HPSE2: variants seen among roughly 807,000 people sequenced by gnomAD.
HPSE2 encodes inactive heparanase-2.
Under a neutral mutation model 60.5 loss-of-function variants are expected in HPSE2, and 38 were observed. The ratio of observed to expected loss-of-function variants is 0.63; its 90% CI spans 0.48 to 0.82. The LOEUF (loss-of-function observed/expected upper bound fraction) is 0.82, where lower values mean the gene tolerates loss of function less well. Among genes scored for constraint, HPSE2 ranks in the 40% least tolerant of loss-of-function variants. The pLI, the probability that HPSE2 is intolerant of heterozygous loss-of-function variation, is 0.00. For missense variants in HPSE2, 713 were observed against 740.4 expected (o/e 0.96, Z 0.43); for synonymous variants, 295 against 293.2 (o/e 1.01, Z -0.06).
chr10:98,473,427 G>A (rs1940861562), intron 11 of HPSE2, among the ~76,000 whole-genome samples: 1 of 145,600 alleles, frequency 6.9e-6, no homozygotes, highest in Non-Finnish European at 1.5e-5. Flanking sequence ...GGAGGTTGCA[G>A]TGAGCCGAGA....
Position 98,566,669 on chromosome 10 carries a change from A to T in HPSE2, c.1320+48235T>A, listed in dbSNP as rs571064241. ...CCATCAGTAACCTGCCCATGTGCCC[A>T]GGGAAGGTGTGAGACAGCATGAGCT... On this transcript the variant is annotated intron_variant, in intron 9 of 11. Transcript: ENST00000370552. Among the ~76,000 whole-genome samples the T allele has an allele frequency of 7.2e-5, 11 of 152,340 alleles. No individual in the cohort carries two copies. The South Asian group carries it at 2.3e-3, about 32-fold the overall frequency.
intron 3 of HPSE2, among the ~76,000 whole-genome samples, chr10:99,041,260 C>T (rs1004811655): frequency 1.3e-5 from 2 of 152,140 alleles, no homozygotes; most frequent in South Asian, 4.2e-4. Flanking sequence ...TCAAGTGGAT[C>T]ATCCAGGAGG....
At chr10:98,705,097 T>C (rs1343768499) in intron 5 of HPSE2, among the ~76,000 whole-genome samples, 3 of 152,058 alleles carry the variant, frequency 2.0e-5, no homozygotes, top group African/African-American at 4.8e-5. Flanking sequence ...GGGCAAAGGA[T>C]ATGAACAGAC....
At chr10:98,875,991 A>AT (rs777832403) in intron 3 of HPSE2, among the ~76,000 whole-genome samples, 5 of 151,856 alleles carry the variant, frequency 3.3e-5, no homozygotes, top group Non-Finnish European at 5.9e-5. Context: ...CTATTGACTG[A>AT]TTTCTTGGGT....
chr10:98,620,227 T>G (rs1313486551), intron 8 of HPSE2, among the ~76,000 whole-genome samples: 1 of 152,182 alleles, frequency 6.6e-6, no homozygotes, highest in African/African-American at 2.4e-5. Flanking sequence ...TCAATCATAT[T>G]TTTTTCTGGA....
the HPSE2 span, among the ~76,000 whole-genome samples, chr10:99,265,248 TA>T: frequency 2.6e-5 from 4 of 152,182 alleles, no homozygotes; most frequent in African/African-American, 9.7e-5. Context: ...CCCAAACCTA[TA>T]AGAACTAATG....
intron 3 of HPSE2, among the ~76,000 whole-genome samples, chr10:99,035,729 G>T (rs182647232): frequency 1.3e-5 from 2 of 152,154 alleles, no homozygotes; most frequent in African/African-American, 2.4e-5. Flanking sequence ...ATGTCATTAC[G>T]TGATAGGAAT....
At chr10:98,905,535 C>G (rs1953791437) in intron 3 of HPSE2, among the ~76,000 whole-genome samples, 1 of 152,104 alleles carries the variant, frequency 6.6e-6, no homozygotes. Flanking sequence ...CTTACATGTT[C>G]AGGATCCAGT....
At chr10:99,043,421 G>A (rs1257580943) in intron 3 of HPSE2, among the ~76,000 whole-genome samples, 2 of 152,178 alleles carry the variant, frequency 1.3e-5, no homozygotes, top group South Asian at 2.1e-4. Flanking sequence ...GACCCAGGAG[G>A]AGGAGCTTGC....
chr10:98,684,213 C>T (rs1313168162), intron 6 of HPSE2, among the ~76,000 whole-genome samples: 1 of 152,098 alleles, frequency 6.6e-6, no homozygotes, highest in Non-Finnish European at 1.5e-5. Context: ...AGGGCACTCC[C>T]AGGACAACAG....
At chr10:99,035,309 G>A (rs1024814955) in intron 3 of HPSE2, among the ~76,000 whole-genome samples, 2 of 151,848 alleles carry the variant, frequency 1.3e-5, no homozygotes, top group African/African-American at 4.8e-5. Flanking sequence ...ACAAACACAC[G>A]AACACATATT....
At chr10:98,656,935 G>C (rs757316959) in intron 6 of HPSE2, among the ~76,000 whole-genome samples, 7 of 151,822 alleles carry the variant, frequency 4.6e-5, no homozygotes, top group Non-Finnish European at 1.0e-4. Context: ...CTAATTTTTG[G>C]TATTTTTGGT....
At chr10:98,729,622 A>AT (rs1949179725) in intron 4 of HPSE2, among the ~76,000 whole-genome samples, 1 of 151,990 alleles carries the variant, frequency 6.6e-6, no homozygotes, top group Admixed American at 6.6e-5. Flanking sequence ...AAATAAATAA[A>AT]TAAATAAATT....
At chr10:98,993,652 T>C (rs1419829308) in intron 3 of HPSE2, among the ~76,000 whole-genome samples, 1 of 152,222 alleles carries the variant, frequency 6.6e-6, no homozygotes, top group Non-Finnish European at 1.5e-5. Flanking sequence ...TCTAATGCTA[T>C]AGTACTGAGA....
chr10:99,222,159 G>C (rs765887205), intron 2 of HPSE2, among the ~76,000 whole-genome samples: 2 of 152,018 alleles, frequency 1.3e-5, no homozygotes, highest in Non-Finnish European at 2.9e-5. Flanking sequence ...AAGCTGACTT[G>C]GTAGAGGAAT....
chr10:98,587,972 C>G (rs1002155787), intron 9 of HPSE2, among the ~76,000 whole-genome samples: 3 of 152,184 alleles, frequency 2.0e-5, no homozygotes, highest in Non-Finnish European at 4.4e-5. Context: ...AGCTTTCATT[C>G]TCTATATATC....
At chr10:98,803,662 T>C (rs200922922) in intron 3 of HPSE2, among the ~76,000 whole-genome samples, 7,650 of 150,814 alleles carry the variant, frequency 0.051, 435 homozygotes, top group East Asian at 0.16. Flanking sequence ...GAGGGCTCTG[T>C]TCTGTTCCAT....
chr10:98,613,383 C>T (rs1198915422), intron 9 of HPSE2, among the ~76,000 whole-genome samples: 2 of 152,202 alleles, frequency 1.3e-5, no homozygotes, highest in Non-Finnish European at 2.9e-5. Flanking sequence ...GGGAGAGGTA[C>T]ACTAGTCCGG....
At chr10:98,553,277 T>G (rs555554529) in intron 9 of HPSE2, among the ~76,000 whole-genome samples, 1 of 152,336 alleles carries the variant, frequency 6.6e-6, no homozygotes, top group African/African-American at 2.4e-5. Context: ...AAAGTTATAT[T>G]GAGAATAGAG....
Sources: gnomAD v4.1 joint callset for allele counts (sites outside exome capture counted in the v4.1 genomes callset) on GRCh38, gnomAD v4.1.1 for gene constraint, MANE v1.5 for transcripts, NCBI Gene and HGNC (gene_info 2026-07-23, HGNC 2026-07-21) for gene names.